Variants in SYT1 observed in about 807,000 individuals in gnomAD.
The protein encoded by SYT1 is synaptotagmin-1.
A neutral mutation model predicts 44.8 loss-of-function variants in SYT1; 8 were observed. The observed-to-expected ratio is 0.18, with a 90% CI of 0.10 to 0.32. The LOEUF (loss-of-function observed/expected upper bound fraction) is 0.32. Ranked by LOEUF, SYT1 falls within the 10% of genes least tolerant of loss-of-function variation. SYT1 has a pLI of 1.00. For missense variants in SYT1, 286 were observed against 509.3 expected (o/e 0.56, Z 4.22); for synonymous variants, 154 against 188.8 (o/e 0.82, Z 1.51).
At chr12:79,064,926 GAGAAAGAA>G (rs200335076) in intron 3 of SYT1, among the ~76,000 whole-genome samples, 14,431 of 111,228 alleles carry the variant, frequency 0.13, 1,002 homozygotes, top group Middle Eastern at 0.14. Context: ...AAAAAATAGA[GAGAAAGAA>G]AGAAAGAAAG....
At chr12:79,400,589 C>T (rs1488980648) in intron 9 of SYT1, among the ~76,000 whole-genome samples, 1 of 152,158 alleles carries the variant, frequency 6.6e-6, no homozygotes, top group Admixed American at 6.5e-5. Context: ...GGCTGCTTGC[C>T]AGAAAGTAGC....
chr12:79,212,497 T>C (rs1274961160), intron 3 of SYT1, among the ~76,000 whole-genome samples: 1 of 69,644 alleles, frequency 1.4e-5, no homozygotes, highest in Non-Finnish European at 3.0e-5. Flanking sequence ...TAAAGTAAAA[T>C]GAAAAAAAAA....
chr12:78,910,655 G>A (rs1273001105), intron 1 of SYT1, among the ~76,000 whole-genome samples: 1 of 151,964 alleles, frequency 6.6e-6, no homozygotes, highest in Non-Finnish European at 1.5e-5. Flanking sequence ...TTGCAGTCTA[G>A]ACAAATAGAG....
At chr12:79,149,691 C>T (rs1323579422) in intron 3 of SYT1, among the ~76,000 whole-genome samples, 3 of 152,238 alleles carry the variant, frequency 2.0e-5, no homozygotes, top group Non-Finnish European at 4.4e-5. Context: ...GGTGCTTAAA[C>T]ATCACTGCCT....
intron 3 of SYT1, among the ~76,000 whole-genome samples, chr12:79,117,969 C>T (rs1414893418): frequency 6.6e-6 from 1 of 151,696 alleles, no homozygotes; most frequent in East Asian, 1.9e-4. Flanking sequence ...GCTATGTTTA[C>T]CAAATAAATT....
chr12:79,306,931 G>A (rs909538846), intron 8 of SYT1, among the ~76,000 whole-genome samples: 6 of 152,146 alleles, frequency 3.9e-5, no homozygotes, highest in African/African-American at 1.4e-4. Flanking sequence ...GTTTTGAGTG[G>A]GAAGCAATGT....
intron 4 of SYT1, among the ~76,000 whole-genome samples, chr12:79,282,825 G>T (rs962666122): frequency 5.9e-5 from 9 of 152,112 alleles, no homozygotes; most frequent in African/African-American, 2.2e-4. Context: ...CTGCTGCAAA[G>T]AATAAATAAG....
intron 3 of SYT1, among the ~76,000 whole-genome samples, chr12:79,065,224 A>T (rs1364418484): frequency 6.6e-6 from 1 of 152,116 alleles, no homozygotes; most frequent in Non-Finnish European, 1.5e-5. Context: ...ATAAAAACAA[A>T]CAACAACAAA....
chr12:79,396,198 A>G (rs1884864934), intron 9 of SYT1, among the ~76,000 whole-genome samples: 1 of 152,170 alleles, frequency 6.6e-6, no homozygotes, highest in African/African-American at 2.4e-5. Flanking sequence ...AATTTTTATA[A>G]TGATGGCCAA....
chr12:79,199,111 T>C (rs1873632071), intron 3 of SYT1, among the ~76,000 whole-genome samples: 1 of 152,190 alleles, frequency 6.6e-6, no homozygotes, highest in African/African-American at 2.4e-5. Context: ...GTAGAGACTT[T>C]TGCTGTTGTC....
intron 3 of SYT1, among the ~76,000 whole-genome samples, chr12:79,176,527 AAATT>A (rs1156350680): frequency 4.6e-5 from 7 of 152,182 alleles, no homozygotes; most frequent in Middle Eastern, 3.4e-3. Context: ...TGTCAATACT[AAATT>A]AAGCTGAGTA....
intron 3 of SYT1, among the ~76,000 whole-genome samples, chr12:79,106,503 T>A (rs754298233): frequency 1.8e-5 from 2 of 111,896 alleles, no homozygotes; most frequent in Non-Finnish European, 4.0e-5. Flanking sequence ...TTTATAATGC[T>A]TTTTTTTTTT....
intron 1 of SYT1, among the ~76,000 whole-genome samples, chr12:78,924,746 T>C (rs1877208140): frequency 6.6e-6 from 1 of 150,984 alleles, no homozygotes. Flanking sequence ...TTCTACGTCC[T>C]TTTGATGTGT....
chr12:79,172,400 T>A (rs750234094), intron 3 of SYT1, among the ~76,000 whole-genome samples: 2 of 152,000 alleles, frequency 1.3e-5, no homozygotes, highest in African/African-American at 2.4e-5. Flanking sequence ...AGTAAAATTA[T>A]AGTGAAAAAT....
intron 3 of SYT1, among the ~76,000 whole-genome samples, chr12:79,176,484 C>T (rs1871874956): frequency 1.3e-5 from 2 of 151,996 alleles, no homozygotes; most frequent in African/African-American, 4.8e-5. Context: ...TATCTTCACT[C>T]ATGTAGCTAA....
At chr12:79,040,088 T>C (rs1873438171) in intron 2 of SYT1, among the ~76,000 whole-genome samples, 1 of 152,154 alleles carries the variant, frequency 6.6e-6, no homozygotes, top group South Asian at 2.1e-4. Context: ...AACATACGGG[T>C]GCATGTGTCT....
intron 3 of SYT1, among the ~76,000 whole-genome samples, chr12:79,050,159 T>G (rs1874368517): frequency 6.9e-6 from 1 of 144,048 alleles, no homozygotes; most frequent in Non-Finnish European, 1.5e-5. Flanking sequence ...GTTATGTGTA[T>G]TATATACTCT....
intron 3 of SYT1, among the ~76,000 whole-genome samples, chr12:79,051,220 C>G (rs1874459796): frequency 6.6e-6 from 1 of 151,232 alleles, no homozygotes; most frequent in South Asian, 2.1e-4. Context: ...TATTGTTTGT[C>G]TAATCTCTAG....
chr12:79,132,278 G>A (rs533890041), intron 3 of SYT1, among the ~76,000 whole-genome samples: 38 of 152,018 alleles, frequency 2.5e-4, no homozygotes, highest in South Asian at 1.2e-3. Context: ...GTGAAACCCC[G>A]TCTGTACTAA....
Sources: allele counts gnomAD v4.1 joint callset (sites outside exome capture counted in the v4.1 genomes callset), GRCh38; gene constraint gnomAD v4.1.1; transcripts MANE v1.5; gene names NCBI Gene and HGNC (gene_info 2026-07-23, HGNC 2026-07-21).